CDH8: variants seen among roughly 807,000 people sequenced by gnomAD.
CDH8 encodes cadherin 8.
CDH8 carries 17 observed loss-of-function variants against 68.1 expected under a neutral mutation model. That is an observed-to-expected ratio of 0.25 (90% CI 0.17 to 0.37). CDH8 has a LOEUF of 0.37. Ranked by LOEUF, CDH8 falls within the 10% of genes least tolerant of loss-of-function variation. The pLI is 1.00. For synonymous variants in CDH8, 372 were observed against 365.1 expected, an observed-to-expected ratio of 1.02 and a Z score of -0.21; for missense variants, 763 against 999.3, an observed-to-expected ratio of 0.76 and a Z score of 3.19.
intron 8 of CDH8, among the ~76,000 whole-genome samples, chr16:61,770,018 A>G (rs1439159042): frequency 6.6e-6 from 1 of 151,870 alleles, no homozygotes; most frequent in African/African-American, 2.4e-5. Context: ...CAAGGAGTAG[A>G]GAGAGTTCAG....
intron 2 of CDH8, among the ~76,000 whole-genome samples, chr16:61,935,690 C>A (rs886116514): frequency 7.2e-5 from 11 of 151,858 alleles, no homozygotes; most frequent in African/African-American, 2.7e-4. Context: ...CTAGTGTATG[C>A]CAGACATTTT....
Position 62,021,528 on chromosome 16 carries a change from G to C in CDH8, c.-125C>G, listed in dbSNP as rs906794191. 3.5e-5 allele frequency: 52 copies of C among 1,468,330 alleles called. No homozygotes were observed. The highest frequency in any genetic ancestry group is 1.3e-4 in the African/African-American group (9 of 70,866). The allele number at this position is 1,468,330 out of a possible 1,614,324, so 91.0% of individuals were successfully genotyped here. ...CTTACAGCTCTGCCACGTGTCTATA[G>C]CACGGGAAACAGACATCATCTAAGC... On this transcript the variant is annotated 5_prime_UTR_variant, in exon 2 of 12. Coordinates refer to ENST00000577390, the MANE Select transcript of CDH8 (RefSeq NM_001796.5).
At chr16:61,762,727 A>G (rs1373964097) in intron 8 of CDH8, among the ~76,000 whole-genome samples, 2 of 152,166 alleles carry the variant, frequency 1.3e-5, no homozygotes, top group Admixed American at 6.6e-5. Flanking sequence ...TTGTTTTGTG[A>G]TAACTATTTC....
At chr16:61,991,515 C>A (rs1171506827) in intron 2 of CDH8, among the ~76,000 whole-genome samples, 2 of 152,196 alleles carry the variant, frequency 1.3e-5, no homozygotes, top group African/African-American at 4.8e-5. Flanking sequence ...ACATATTTCA[C>A]TTCACATACT....
chr16:61,702,525 G>A (rs1432456640), intron 10 of CDH8, among the ~76,000 whole-genome samples: 2 of 152,152 alleles, frequency 1.3e-5, no homozygotes, highest in Admixed American at 6.5e-5. Flanking sequence ...TGCTCATGAA[G>A]TAGTCGGTAC....
intron 10 of CDH8, among the ~76,000 whole-genome samples, chr16:61,696,797 G>A (rs1964335219): frequency 6.6e-6 from 1 of 152,114 alleles, no homozygotes; most frequent in Non-Finnish European, 1.5e-5. Context: ...CAGAAACGTG[G>A]ATGCAGCTGG....
Position 61,653,536 on chromosome 16 carries a change from G to A in CDH8, c.*72C>T. The A allele has an allele frequency of 6.6e-7, 1 of 1,517,036 alleles. No homozygotes were observed. The highest frequency in any genetic ancestry group is 2.3e-5 in the East Asian group (1 of 43,948). 94.0% of individuals were successfully genotyped at this position (1,517,036 alleles called of 1,614,324 possible). A position where few individuals can be genotyped will look rare whatever the true frequency, so the allele number is the denominator to read the frequency against. ...GCCTCTAAAACAAATAGCCACATTG[G>A]TTGTATCTAAGGGGAGTGACCCTAG... On this transcript the variant is annotated 3_prime_UTR_variant, in exon 12 of 12. Transcript: ENST00000577390.
rs563946990 is a variant in CDH8, at chr16:61,841,311, T to A, written c.667+15808A>T. Among the ~76,000 whole-genome samples the A allele has an allele frequency of 6.6e-5, 10 of 152,332 alleles. No homozygotes were observed. The East Asian group carries it at 1.9e-3, about 29-fold the overall frequency. On this transcript the variant is annotated intron_variant, in intron 4 of 11. Coordinates refer to ENST00000577390, the MANE Select transcript of CDH8 (RefSeq NM_001796.5). ...TGTTCTCCATAGTGGTTGTCCTAAC[T>A]TACATTTCCACCAATAATGTACTAT...
chr16:62,019,805 T>G lies in CDH8; in HGVS notation c.252+1347A>C, dbSNP rs563688685. ...CAAATGAACATATATATGCATATAC[T>G]GAAGGGGGGCTATTGTTTGAATCAG... On this transcript the variant is annotated intron_variant, in intron 2 of 11. Coordinates refer to ENST00000577390, the MANE Select transcript of CDH8 (RefSeq NM_001796.5). 3.3e-5 allele frequency among the ~76,000 whole-genome samples: 5 copies of G among 152,306 alleles called. No individual in the cohort carries two copies. The East Asian group carries it at 9.7e-4, about 29-fold the overall frequency.
chr16:61,780,340 T>C (rs1961017616), intron 8 of CDH8, among the ~76,000 whole-genome samples: 1 of 152,178 alleles, frequency 6.6e-6, no homozygotes. Context: ...TTGATCAGGA[T>C]AACATGTTAG....
intron 2 of CDH8, among the ~76,000 whole-genome samples, chr16:61,925,854 C>A (rs769481619): frequency 1.5e-4 from 23 of 152,012 alleles, no homozygotes; most frequent in Non-Finnish European, 3.4e-4. Context: ...GAGTCTCTAA[C>A]ATTATTATTT....
intron 8 of CDH8, among the ~76,000 whole-genome samples, chr16:61,768,352 CT>C (rs1960664034): frequency 8.8e-5 from 10 of 113,818 alleles, no homozygotes; most frequent in African/African-American, 3.1e-4. Context: ...CTCTCTCTCT[CT>C]CTCTCTCTCT....
rs201336533 is a variant in CDH8 at position 61,960,119 on chromosome 16, A to G, written c.253-58646T>C. ...TGTGTATACACATACATATATACAT[A>G]TGTGTGTGTGTATACACATACATAT... On this transcript the variant is annotated intron_variant, in intron 2 of 11. Transcript: ENST00000577390. 1.6e-3 allele frequency among the ~76,000 whole-genome samples: 20 copies of G among 12,202 alleles called. 7 individuals are homozygous for G. Among genetic ancestry groups the G allele is most frequent in the African/African-American group, 4.0e-3 (13 of 3,284 alleles). The allele number at this position is 12,202 out of a possible 152,430, so 8.0% of individuals were successfully genotyped here.
At chr16:61,858,316 G>T (rs1380782714) in intron 3 of CDH8, among the ~76,000 whole-genome samples, 2 of 152,122 alleles carry the variant, frequency 1.3e-5, no homozygotes, top group Non-Finnish European at 2.9e-5. Context: ...CCAGGAGAAG[G>T]AATTCTAAGC....
intron 8 of CDH8, among the ~76,000 whole-genome samples, chr16:61,787,722 A>G (rs1223748782): frequency 6.7e-6 from 1 of 149,982 alleles, no homozygotes; most frequent in Non-Finnish European, 1.5e-5. Flanking sequence ...CTGGATTAAG[A>G]AAATGTGGCA....
At chr16:61,903,213 GC>G (rs1245954987) in intron 2 of CDH8, among the ~76,000 whole-genome samples, 1 of 152,116 alleles carries the variant, frequency 6.6e-6, no homozygotes, top group Non-Finnish European at 1.5e-5. Flanking sequence ...ATTATCAATA[GC>G]CTCTGATTAT....
intron 2 of CDH8, among the ~76,000 whole-genome samples, chr16:61,995,690 T>TA (rs1186996977): frequency 6.6e-6 from 1 of 152,252 alleles, no homozygotes; most frequent in Non-Finnish European, 1.5e-5. Flanking sequence ...TTTTACTTTT[T>TA]ATGTGTCTTA....
chr16:61,987,575 C>T (rs917668480), intron 2 of CDH8, among the ~76,000 whole-genome samples: 1 of 151,990 alleles, frequency 6.6e-6, no homozygotes, highest in African/African-American at 2.4e-5. Flanking sequence ...AATAATTTTA[C>T]CTCCGTTTGG....
chr16:61,721,838 G>C (rs1172031303), intron 9 of CDH8, among the ~76,000 whole-genome samples: 1 of 150,676 alleles, frequency 6.6e-6, no homozygotes, highest in Non-Finnish European at 1.5e-5. Flanking sequence ...ACTTTTCATG[G>C]TAAATCTTAA....
Sources: allele counts gnomAD v4.1 joint callset (sites outside exome capture counted in the v4.1 genomes callset), GRCh38; gene constraint gnomAD v4.1.1; transcripts MANE v1.5; gene names NCBI Gene and HGNC (gene_info 2026-07-23, HGNC 2026-07-21).